Variants in ANO3 observed in about 807,000 individuals in gnomAD.
ANO3 encodes the protein anoctamin-3.
ANO3 carries 99 observed loss-of-function variants against 144.8 expected under a neutral mutation model. The observed-to-expected ratio is 0.68, with a 90% CI of 0.58 to 0.81. The LOEUF is 0.81. ANO3 is among the 30% of genes least tolerant of loss of function. ANO3 has a pLI of 0.00. For missense variants in ANO3, 905 were observed against 1,202.2 expected (o/e 0.75, Z 3.66); for synonymous variants, 414 against 392.6 (o/e 1.05, Z -0.64).
intron 3 of ANO3, among the ~76,000 whole-genome samples, chr11:26,451,398 C>T (rs571567361): frequency 5.9e-5 from 9 of 152,276 alleles, no homozygotes; most frequent in Admixed American, 1.3e-4. Flanking sequence ...TGCGCTTTTC[C>T]GACGGGCTTA....
intron 1 of ANO3, among the ~76,000 whole-genome samples, chr11:26,220,307 G>A (rs1852116770): frequency 6.6e-6 from 1 of 152,186 alleles, no homozygotes. Flanking sequence ...CTTACTATAG[G>A]CAGGATGATC....
chr11:26,321,414 A>G (rs904425023), intron 1 of ANO3, among the ~76,000 whole-genome samples: 2 of 151,982 alleles, frequency 1.3e-5, no homozygotes, highest in African/African-American at 4.8e-5. Flanking sequence ...GTTCCCCTGG[A>G]AAGTGTATTA....
intron 1 of ANO3, among the ~76,000 whole-genome samples, chr11:26,391,695 C>T (rs141626725): frequency 2.1e-3 from 317 of 152,068 alleles, no homozygotes; most frequent in African/African-American, 7.2e-3. Context: ...CATTCTTGTT[C>T]GTTGTTTAGA....
At position 26,468,871 on chromosome 11, in the gene ANO3, A is replaced by G. The variant is rs529403062; in HGVS notation, c.432+5723A>G. Among the ~76,000 whole-genome samples, 3 of 152,106 alleles carry G rather than the reference A, an allele frequency of 2.0e-5. No individual in the cohort carries two copies. The South Asian group carries it at 6.2e-4, about 32-fold the overall frequency. ...ATAGTCAGTTTCTAAAGAAAATATT[A>G]ATATTCATTTAACTTTAGTACCTGA... On this transcript the variant is annotated intron_variant, in intron 4 of 26. Coordinates refer to ENST00000256737, the MANE Select transcript of ANO3 (RefSeq NM_031418.4).
chr11:26,505,421 T>C (rs1007249645), intron 4 of ANO3, among the ~76,000 whole-genome samples: 4 of 152,200 alleles, frequency 2.6e-5, no homozygotes, highest in Admixed American at 6.5e-5. Flanking sequence ...TATACAAGCC[T>C]GTGAATATTT....
At chr11:26,563,747 A>T (rs1850397768) in intron 14 of ANO3, among the ~76,000 whole-genome samples, 1 of 151,870 alleles carries the variant, frequency 6.6e-6, no homozygotes. Flanking sequence ...CTACAAGGAA[A>T]AATCAGTGTA....
At chr11:26,357,686 C>G (rs1247313580) in intron 1 of ANO3, among the ~76,000 whole-genome samples, 1 of 151,982 alleles carries the variant, frequency 6.6e-6, no homozygotes, top group Non-Finnish European at 1.5e-5. Flanking sequence ...GAAAATGTTT[C>G]TAATTTTGAT....
chr11:26,395,903 ACAC>A (rs1857000666), intron 1 of ANO3, among the ~76,000 whole-genome samples: 1 of 152,204 alleles, frequency 6.6e-6, no homozygotes, highest in Non-Finnish European at 1.5e-5. Flanking sequence ...CATGACTAAA[ACAC>A]CAAAAGCAAG....
At chr11:26,218,146 T>C (rs1164580952) in intron 1 of ANO3, among the ~76,000 whole-genome samples, 1 of 152,142 alleles carries the variant, frequency 6.6e-6, no homozygotes, top group Non-Finnish European at 1.5e-5. Flanking sequence ...ATGTATTTAA[T>C]GGAAATACAG....
intron 1 of ANO3, among the ~76,000 whole-genome samples, chr11:26,190,626 T>A (rs1851456283): frequency 6.6e-6 from 1 of 152,214 alleles, no homozygotes; most frequent in Non-Finnish European, 1.5e-5. Context: ...TCTGTCAGAG[T>A]TAGCACATCC....
intron 1 of ANO3, among the ~76,000 whole-genome samples, chr11:26,234,440 C>T (rs1294433414): frequency 6.6e-6 from 1 of 152,106 alleles, no homozygotes; most frequent in Non-Finnish European, 1.5e-5. Context: ...TGACAGCCTC[C>T]AAATACACTA....
intron 1 of ANO3, among the ~76,000 whole-genome samples, chr11:26,211,089 T>C (rs1018687330): frequency 8.5e-5 from 13 of 152,136 alleles, no homozygotes; most frequent in Admixed American, 7.9e-4. Context: ...TATTCTAAAA[T>C]TGACCACATA....
chr11:26,224,483 C>T (rs1439104287), intron 1 of ANO3, among the ~76,000 whole-genome samples: 1 of 152,228 alleles, frequency 6.6e-6, no homozygotes, highest in African/African-American at 2.4e-5. Flanking sequence ...TCACCACTCC[C>T]TTTTGTGCTT....
intron 14 of ANO3, among the ~76,000 whole-genome samples, chr11:26,593,889 C>T (rs1851528579): frequency 6.6e-6 from 1 of 152,140 alleles, no homozygotes; most frequent in Non-Finnish European, 1.5e-5. Flanking sequence ...GCCTGCTCTT[C>T]CTGATCTCTA....
chr11:26,474,178 T>G (rs891124397), intron 4 of ANO3: 7 of 873,538 alleles, frequency 8.0e-6, no homozygotes, highest in Non-Finnish European at 9.6e-6. Context: ...TTTTTCTATT[T>G]TCTTAAACAT....
chr11:26,569,014 A>G (rs114272274), intron 14 of ANO3, among the ~76,000 whole-genome samples: 139 of 151,944 alleles, frequency 9.1e-4, no homozygotes, highest in Middle Eastern at 3.4e-3. Flanking sequence ...CAGTGGGGGG[A>G]AAAATGTCCT....
chr11:26,214,315 T>G (rs190377776), intron 1 of ANO3, among the ~76,000 whole-genome samples: 21 of 151,974 alleles, frequency 1.4e-4, no homozygotes, highest in African/African-American at 5.1e-4. Context: ...TAGTGTAGGG[T>G]AGGATGGAAC....
chr11:26,485,368 A>T (rs370023598), intron 4 of ANO3, among the ~76,000 whole-genome samples: 24 of 148,318 alleles, frequency 1.6e-4, no homozygotes, highest in African/African-American at 5.7e-4. Flanking sequence ...GTCTGGTTTT[A>T]AAAAAAAAAG....
At chr11:26,652,611 A>G (rs966877186) in intron 24 of ANO3, among the ~76,000 whole-genome samples, 13 of 152,154 alleles carry the variant, frequency 8.5e-5, no homozygotes, top group African/African-American at 3.1e-4. Flanking sequence ...ACATTTTCAC[A>G]TTAACATTGA....
Sources: gnomAD v4.1 joint callset for allele counts (sites outside exome capture counted in the v4.1 genomes callset) on GRCh38, gnomAD v4.1.1 for gene constraint, MANE v1.5 for transcripts, NCBI Gene and HGNC (gene_info 2026-07-23, HGNC 2026-07-21) for gene names.